Variants in FYCO1 observed in about 807,000 individuals in gnomAD.
The protein encoded by FYCO1 is FYVE and coiled-coil domain-containing protein 1.
Under a neutral mutation model 165.1 loss-of-function variants are expected in FYCO1, and 122 were observed. That is an observed-to-expected ratio of 0.74 (90% CI 0.64 to 0.86). The LOEUF is 0.86. Among genes scored for constraint, FYCO1 ranks in the 40% least tolerant of loss-of-function variants. FYCO1 has a pLI of 0.00. For synonymous variants in FYCO1, 648 were observed against 742.5 expected (o/e 0.87, Z 2.07); for missense variants, 1,702 against 1,810.3 (o/e 0.94, Z 1.09).
At chr3:45,965,220 C>T in intron 8 of FYCO1, 95 bp from the exon 9 acceptor site, 1 of 949,808 alleles carries the variant, frequency 1.1e-6, no homozygotes, top group East Asian at 2.5e-5. Context: ...ACCAAGCTAA[C>T]TTTCTCTTTT....
chr3:45,986,671 C>G (rs1437192894), intron 1 of FYCO1, among the ~76,000 whole-genome samples: 1 of 152,124 alleles, frequency 6.6e-6, no homozygotes, highest in Non-Finnish European at 1.5e-5. Flanking sequence ...GAGAACCCCC[C>G]AAACCTCCCA....
chr3:45,945,911 C>T (rs1019263859), intron 14 of FYCO1: 10 of 152,912 alleles, frequency 6.5e-5, no homozygotes, highest in African/African-American at 2.4e-4. Context: ...GCAGTCTTGC[C>T]ATCCCCAAAC....
chr3:45,990,493 A>G (rs1707509856), intron 1 of FYCO1, among the ~76,000 whole-genome samples: 1 of 152,252 alleles, frequency 6.6e-6, no homozygotes, highest in African/African-American at 2.4e-5. Context: ...CTCACTGCAG[A>G]GTCTCACATT....
At chr3:45,969,393 T>C (rs1307578550) in intron 7 of FYCO1, among the ~76,000 whole-genome samples, 1 of 152,230 alleles carries the variant, frequency 6.6e-6, no homozygotes, top group Non-Finnish European at 1.5e-5. Context: ...TCACAGCTGG[T>C]AGGTGAGAAT....
chr3:45,980,525 C>A (rs1706992257), intron 3 of FYCO1, among the ~76,000 whole-genome samples: 1 of 152,084 alleles, frequency 6.6e-6, no homozygotes, highest in Non-Finnish European at 1.5e-5. Flanking sequence ...AGCTCTGAGT[C>A]ATTTCAAACC....
chr3:45,960,395 C>T lies in FYCO1; in HGVS notation c.3438-853G>A, dbSNP rs200153452. Among the ~76,000 whole-genome samples the T allele has an allele frequency of 2.0e-5, 3 of 152,276 alleles. No individual in the cohort carries two copies. The East Asian group carries it at 5.8e-4, about 29-fold the overall frequency. On this transcript the variant is annotated intron_variant, in intron 11 of 17. Transcript: ENST00000296137. ...TCCCAATCAACCCCAGATCTTTTGC[C>T]TTAAATAAAAAAGCTTGAACATGGG...
intron 16 of FYCO1, among the ~76,000 whole-genome samples, chr3:45,930,431 CT>C (rs954944131): frequency 2.6e-5 from 3 of 116,142 alleles, no homozygotes; most frequent in African/African-American, 9.7e-5. Context: ...CTTCAACCCC[CT>C]GATCTACACC....
chr3:45,923,269 T>C (rs981720288), intron 17 of FYCO1, among the ~76,000 whole-genome samples: 2 of 152,238 alleles, frequency 1.3e-5, no homozygotes, highest in Non-Finnish European at 2.9e-5. Context: ...AGTCTTTCCA[T>C]TGTATTTCCT....
Position 45,975,343 on chromosome 3 carries a change from G to A in FYCO1, c.291C>T (p.Leu97=). ...GIRFVKSISE[L]RTSLGKGRAF... ...CTCTTCCTTTCCCCAAGGATGTTCG[G>A]AGCTGGAAAAAGCAGATTACATAGA... is the stretch of plus-strand genomic sequence containing the variant. Residue 97 remains leucine, a splice_region_variant and synonymous_variant, in exon 5 of 18, where the codon CTC becomes CTT. Transcript: ENST00000296137. 1.9e-6 allele frequency: 3 copies of A among 1,613,542 alleles called. No individual in the cohort carries two copies. The highest frequency in any genetic ancestry group is 1.1e-5 in the South Asian group (1 of 91,080).
chr3:45,946,684 T>G (rs766548183), intron 14 of FYCO1: 1 of 1,614,256 alleles, frequency 6.2e-7, no homozygotes, highest in Middle Eastern at 1.6e-4. Context: ...CTGACGGATG[T>G]GTTCCTGGTG....
intron 11 of FYCO1, among the ~76,000 whole-genome samples, chr3:45,961,125 A>T (rs1332450023): frequency 2.0e-5 from 3 of 152,228 alleles, no homozygotes; most frequent in Admixed American, 1.3e-4. Flanking sequence ...TAAGAGACAC[A>T]GCAATTGCAA....
In FYCO1 at chr3:45,993,782, C is replaced by G. The variant is rs532837325; in HGVS notation, c.-113+1940G>C. 5.9e-5 allele frequency among the ~76,000 whole-genome samples: 9 copies of G among 152,270 alleles called. No individual in the cohort carries two copies. Among genetic ancestry groups the G allele is most frequent in the African/African-American group, 2.2e-4 (9 of 41,546 alleles). ...ACCAGTGATTTCCACCATAAGACCACAGCTAGACAACACACTTCCTCTGCC... is the reference window on the plus strand; with the variant it reads ...ACCAGTGATTTCCACCATAAGACCAGAGCTAGACAACACACTTCCTCTGCC... On this transcript the variant is annotated intron_variant, in intron 1 of 17. Coordinates refer to ENST00000296137, the MANE Select transcript of FYCO1 (RefSeq NM_024513.4). This position sits in a 1 kb window ranked among gnomAD's most constrained non-coding sequence, Gnocchi z 4.4.
chr3:45,931,452 A>G (rs1703624679), intron 15 of FYCO1, among the ~76,000 whole-genome samples, 171 bp from the exon 16 acceptor site: 1 of 152,210 alleles, frequency 6.6e-6, no homozygotes, highest in Non-Finnish European at 1.5e-5. Context: ...GCTCACTCCA[A>G]CAAATGCTTC....
intron 14 of FYCO1, among the ~76,000 whole-genome samples, chr3:45,951,943 A>AG (rs1705057934): frequency 6.6e-6 from 1 of 152,238 alleles, no homozygotes; most frequent in African/African-American, 2.4e-5. Flanking sequence ...ACATGAAGGC[A>AG]GGGGAGATGG....
Position 45,984,906 on chromosome 3 carries a change from G to A in FYCO1, c.5C>T (p.Ala2Val). The A allele has an allele frequency of 2.5e-6, 4 of 1,614,162 alleles. No individual in the cohort carries two copies. The highest frequency in any genetic ancestry group is 3.4e-6 in the Non-Finnish European group (4 of 1,180,038). The change falls in exon 2 of 18, where the codon GCC (alanine) becomes GTC (valine). Residue 2 changes from alanine (A) to valine (V), a missense_variant. Transcript: ENST00000296137. M[A>V]STNAESQLQR... Reference sequence around the variant, plus strand: ...GAGCTGGCTCTCTGCATTGGTGGAGGCCATGGTGAGTTTGCCTTTCTTGTC... The same window carrying A: ...GAGCTGGCTCTCTGCATTGGTGGAGACCATGGTGAGTTTGCCTTTCTTGTC...
At chr3:45,992,486 C>CGAGG in intron 1 of FYCO1, among the ~76,000 whole-genome samples, 1 of 152,294 alleles carries the variant, frequency 6.6e-6, no homozygotes, top group East Asian at 1.9e-4. Context: ...AGACTAGTTA[C>CGAGG]GTGAACTTTC....
At chr3:45,922,807 T>C (rs1244141332) in intron 17 of FYCO1, among the ~76,000 whole-genome samples, 1 of 152,170 alleles carries the variant, frequency 6.6e-6, no homozygotes, top group Non-Finnish European at 1.5e-5. Flanking sequence ...GTTATTCTGC[T>C]AAGAGCCAAG....
At chr3:45,961,830 A>G (rs2125842654) in intron 11 of FYCO1, among the ~76,000 whole-genome samples, 1 of 152,362 alleles carries the variant, frequency 6.6e-6, no homozygotes, top group South Asian at 2.1e-4. Flanking sequence ...CCATAAGGAA[A>G]AGTTAAAATA....
intron 5 of FYCO1, among the ~76,000 whole-genome samples, chr3:45,974,989 C>T (rs147747923): frequency 5.3e-5 from 8 of 152,280 alleles, no homozygotes; most frequent in Non-Finnish European, 1.0e-4. Flanking sequence ...AAGAGAGTAA[C>T]GGGTGAGGCC....
Sources: allele counts gnomAD v4.1 joint callset (sites outside exome capture counted in the v4.1 genomes callset), GRCh38; gene constraint gnomAD v4.1.1; non-coding constraint Gnocchi (gnomAD v3.1); transcripts MANE v1.5; gene names NCBI Gene and HGNC (gene_info 2026-07-23, HGNC 2026-07-21).